The following RAD51B variants were observed in gnomAD, a reference collection of about 807,000 sequenced individuals.
The protein encoded by RAD51B is DNA repair protein RAD51 homolog 2.
RAD51B carries 38 observed loss-of-function variants against 42.2 expected under a neutral mutation model. The observed-to-expected ratio is 0.90, with a 90% confidence interval of 0.70 to 1.18. The LOEUF is 1.18. RAD51B is among the 50% of genes most tolerant of loss of function. The probability of loss-of-function intolerance (pLI) is 0.00; values close to 1 mark genes in which losing one functional copy is unlikely to be tolerated. For missense variants in RAD51B, 373 were observed against 400.7 expected, an observed-to-expected ratio of 0.93 and a Z score of 0.59; for synonymous variants, 154 against 145.2, an observed-to-expected ratio of 1.06 and a Z score of -0.43.
At chr14:67,845,745 C>T (rs934330945) in intron 4 of RAD51B, among the ~76,000 whole-genome samples, 6 of 144,866 alleles carry the variant, frequency 4.1e-5, no homozygotes, top group African/African-American at 1.1e-4. Context: ...TGAATATAGT[C>T]CTCCAATCTC....
intron 8 of RAD51B, among the ~76,000 whole-genome samples, chr14:68,388,309 G>A (rs1199355700): frequency 6.6e-6 from 1 of 151,904 alleles, no homozygotes; most frequent in African/African-American, 2.4e-5. Flanking sequence ...TGTTGGCCCG[G>A]TTGATCTCGA....
rs1232860570 is a variant in RAD51B at position 67,825,593 on chromosome 14, A to G, written c.198+16A>G. On this transcript the variant is annotated intron_variant, in intron 3 of 10. Transcript: ENST00000471583. ...GATGCAAACGGTATATTTATATTTT[A>G]TTATGATTTGATTATGAATGATTCC... is the stretch of plus-strand genomic sequence containing the variant. 1.7e-5 allele frequency: 26 copies of G among 1,540,344 alleles called. No homozygotes were observed. The highest frequency in any genetic ancestry group is 2.2e-5 in the Non-Finnish European group (25 of 1,128,328).
intron 9 of RAD51B, among the ~76,000 whole-genome samples, chr14:68,417,486 C>T (rs923390412): frequency 2.0e-5 from 3 of 152,140 alleles, no homozygotes; most frequent in African/African-American, 7.2e-5. Context: ...AACAGAAGTG[C>T]TCTAACAGGT....
intron 7 of RAD51B, among the ~76,000 whole-genome samples, chr14:68,130,633 T>C (rs1010253673): frequency 2.6e-5 from 4 of 152,242 alleles, no homozygotes; most frequent in Non-Finnish European, 5.9e-5. Flanking sequence ...CTCCTCTCTT[T>C]TTTTGTAGAA....
At chr14:68,374,720 G>A (rs1160332845) in intron 8 of RAD51B, among the ~76,000 whole-genome samples, 1 of 149,666 alleles carries the variant, frequency 6.7e-6, no homozygotes, top group African/African-American at 2.5e-5. Flanking sequence ...GATGGTCTCA[G>A]AAGTTTTTCC....
At chr14:67,962,461 TAAGGAAGAAAAGCAAAAGTTATCTAC>T (rs1294113459) in intron 7 of RAD51B, among the ~76,000 whole-genome samples, 3 of 152,142 alleles carry the variant, frequency 2.0e-5, no homozygotes, top group Non-Finnish European at 4.4e-5. Flanking sequence ...AAGTTATCTA[TAAGGAAGAAAAGCAAAAGTTATCTAC>T]AAGGAAGAAG....
chr14:68,265,215 A>G (rs192172230), intron 7 of RAD51B, among the ~76,000 whole-genome samples: 71 of 152,372 alleles, frequency 4.7e-4, no homozygotes, highest in African/African-American at 1.7e-3. Flanking sequence ...AACTAGAATT[A>G]TAATAGCAGA....
intron 10 of RAD51B, among the ~76,000 whole-genome samples, chr14:68,519,352 G>A (rs994415187): frequency 6.6e-6 from 1 of 152,204 alleles, no homozygotes; most frequent in Admixed American, 6.5e-5. Context: ...AGAGCCTGGG[G>A]AAATGCTTTT....
At position 67,823,588 on chromosome 14, in the gene RAD51B, G is replaced by C; in HGVS notation, c.45G>C (p.Leu15=). ...AACGAGTGGGTTTATCACAAGAGCT[G>C]TGTGACCGTCTGAGTAGACATCAGA... is the stretch of plus-strand genomic sequence containing the variant. ...KLKRVGLSQE[L]CDRLSRHQIL... Residue 15 remains leucine, a synonymous_variant, in exon 2 of 11, where the codon CTG becomes CTC. Coordinates refer to ENST00000471583, the MANE Select transcript of RAD51B (RefSeq NM_133510.4). 2 of 1,613,768 alleles carry C rather than the reference G, an allele frequency of 1.2e-6. No homozygotes were observed. The highest frequency in any genetic ancestry group is 1.7e-6 in the Non-Finnish European group (2 of 1,179,874).
chr14:68,355,292 C>A (rs2082877759), intron 8 of RAD51B, among the ~76,000 whole-genome samples: 1 of 152,170 alleles, frequency 6.6e-6, no homozygotes, highest in Non-Finnish European at 1.5e-5. Context: ...GCTCCAATAT[C>A]CTCAAAATAG....
At chr14:68,635,114 A>T (rs1352888868) in intron 10 of RAD51B, among the ~76,000 whole-genome samples, 1 of 152,348 alleles carries the variant, frequency 6.6e-6, no homozygotes, top group African/African-American at 2.4e-5. Flanking sequence ...TAATGATCAG[A>T]TTCCACTTAG....
At chr14:67,855,043 G>T (rs780993960) in intron 4 of RAD51B, among the ~76,000 whole-genome samples, 1 of 152,288 alleles carries the variant, frequency 6.6e-6, no homozygotes, top group Non-Finnish European at 1.5e-5. Flanking sequence ...TGTAATATCT[G>T]CATAGTTATT....
chr14:68,502,655 C>T (rs1056559510), intron 10 of RAD51B, among the ~76,000 whole-genome samples: 2 of 152,336 alleles, frequency 1.3e-5, no homozygotes, highest in Middle Eastern at 3.4e-3. Flanking sequence ...AAAGAACAGA[C>T]GGACTGAACA....
At chr14:68,257,389 AC>A (rs1185525757) in intron 7 of RAD51B, among the ~76,000 whole-genome samples, 4 of 152,178 alleles carry the variant, frequency 2.6e-5, no homozygotes, top group African/African-American at 9.6e-5. Flanking sequence ...AAGCAATGGA[AC>A]AAAAAATTAA....
chr14:68,480,154 C>A (rs192606855), downstream of RAD51B, among the ~76,000 whole-genome samples: 744 of 152,250 alleles, frequency 4.9e-3, 7 homozygotes, highest in African/African-American at 0.017. Flanking sequence ...CCCACTGCAA[C>A]CCCTGCCTCC....
chr14:68,287,009 G>A (rs1644380446), intron 7 of RAD51B, among the ~76,000 whole-genome samples: 1 of 152,100 alleles, frequency 6.6e-6, no homozygotes, highest in Non-Finnish European at 1.5e-5. Context: ...TTGTGTGTGT[G>A]TTGGTTGGAT....
intron 9 of RAD51B, among the ~76,000 whole-genome samples, chr14:68,467,472 C>T (rs529850970): frequency 6.6e-6 from 1 of 152,326 alleles, no homozygotes; most frequent in East Asian, 1.9e-4. Flanking sequence ...GTATCTATTG[C>T]CCTTCTTCTG....
chr14:68,595,986 C>T (rs1177511886), exon 11 of RAD51B: 6 of 582,148 alleles, frequency 1.0e-5, no homozygotes, highest in African/African-American at 8.3e-5. Flanking sequence ...CTCCCATTAA[C>T]ATGCATGTTC....
At chr14:68,331,381 A>AAAAAAAAAAAAAAAAAAAAAAAAAAAAC (rs2082347593) in intron 8 of RAD51B, among the ~76,000 whole-genome samples, 1 of 148,652 alleles carries the variant, frequency 6.7e-6, no homozygotes, top group Non-Finnish European at 1.5e-5. Context: ...AAAAAAAAAA[A>AAAAAAAAAAAAAAAAAAAAAAAAAAAAC]AAAAGCAATG....
Sources: gnomAD v4.1 joint callset for allele counts (sites outside exome capture counted in the v4.1 genomes callset) on GRCh38, gnomAD v4.1.1 for gene constraint, MANE v1.5 for transcripts, NCBI Gene and HGNC (gene_info 2026-07-23, HGNC 2026-07-21) for gene names.